The following ABCG1 variants were observed in gnomAD, a reference collection of about 807,000 sequenced individuals.
ABCG1 encodes the protein ATP binding cassette subfamily G member 1.
Under a neutral mutation model 69.2 loss-of-function variants are expected in ABCG1, and 29 were observed. The ratio of observed to expected loss-of-function variants is 0.42; its 90% CI spans 0.31 to 0.57. The LOEUF is 0.57. ABCG1 is among the 20% of genes least tolerant of loss of function. The pLI is 0.15. For synonymous variants in ABCG1, 370 were observed against 374.8 expected (o/e 0.99, Z 0.15); for missense variants, 718 against 898.1 (o/e 0.80, Z 2.56).
chr21:42,293,679 TACACACTACACACC>T (rs2069141188), intron 13 of ABCG1, among the ~76,000 whole-genome samples: 1 of 97,908 alleles, frequency 1.0e-5, no homozygotes, highest in Non-Finnish European at 2.1e-5. Context: ...CGCACCACAC[TACACACTACACACC>T]ACACACTACA....
At position 42,296,701 on chromosome 21, in the gene ABCG1, G is replaced by A. The variant is rs573371891; in HGVS notation, c.*309G>A. The stretch of plus-strand genomic sequence containing the variant: ...TTAAAGCTGCAACACAGCTGGTGAT[G>A]AGAGGCTTCCTCAGTCCAGTCGCTC... On this transcript the variant is annotated 3_prime_UTR_variant, in exon 15 of 15. Coordinates refer to ENST00000398449, the MANE Select transcript of ABCG1 (RefSeq NM_016818.3). The surrounding 1 kb of genome is among the most constrained non-coding windows in gnomAD (Gnocchi z 5.4). The A allele has an allele frequency of 1.5e-5, 6 of 390,662 alleles. No homozygotes were observed. The South Asian group carries it at 1.5e-4, about 10-fold the overall frequency. 24.2% of individuals were successfully genotyped at this position (390,662 alleles called of 1,614,324 possible). A position where few individuals can be genotyped will look rare whatever the true frequency, so the allele number is the denominator to read the frequency against.
intron 2 of ABCG1, among the ~76,000 whole-genome samples, chr21:42,253,988 C>T (rs935342759): frequency 2.6e-4 from 39 of 152,310 alleles, no homozygotes; most frequent in Admixed American, 1.2e-3. Context: ...CTGATCTAAG[C>T]AGGCAGGAAG....
chr21:42,254,826 TG>T (rs1481411350), intron 2 of ABCG1, among the ~76,000 whole-genome samples: 6 of 152,200 alleles, frequency 3.9e-5, no homozygotes, highest in African/African-American at 1.2e-4. Flanking sequence ...CTTTCAGCTC[TG>T]GGCTGAGATG....
chr21:42,291,384 C>T lies in ABCG1; in HGVS notation c.1495-114C>T. 3 of 1,449,584 alleles carry T rather than the reference C, an allele frequency of 2.1e-6. No homozygotes were observed. Among genetic ancestry groups the T allele is most frequent in the East Asian group, 2.3e-5 (1 of 43,410 alleles). 89.8% of individuals were successfully genotyped at this position (1,449,584 alleles called of 1,614,324 possible). A position where few individuals can be genotyped will look rare whatever the true frequency, so the allele number is the denominator to read the frequency against. On this transcript the variant is annotated intron_variant, in intron 12 of 14. Transcript: ENST00000398449. The surrounding 1 kb of genome is among the most constrained non-coding windows in gnomAD (Gnocchi z 6.4). The stretch of plus-strand genomic sequence containing the variant: ...CTGTGGGGAGTGGGGAAGGACCCGA[C>T]TTTGGGAGCTCTGGCGGGAGCTGCG...
chr21:42,213,985 A>G (rs1228477582), upstream of ABCG1, among the ~76,000 whole-genome samples: 1 of 152,076 alleles, frequency 6.6e-6, no homozygotes, highest in African/African-American at 2.4e-5. Context: ...TAGACTTTTT[A>G]TTTGGTGCCG....
intron 5 of ABCG1, among the ~76,000 whole-genome samples, chr21:42,278,186 C>A (rs1458181612): frequency 1.3e-5 from 2 of 152,114 alleles, no homozygotes; most frequent in Non-Finnish European, 2.9e-5. Flanking sequence ...TGTTCCTGGC[C>A]CTTCATGGGG....
intron 8 of ABCG1, 72 bp downstream of exon 8, chr21:42,286,066 G>A: frequency 1.9e-6 from 2 of 1,033,824 alleles, no homozygotes; most frequent in Non-Finnish European, 3.0e-6. Context: ...ACTTTTAGCT[G>A]ACGCCCCCAA....
rs777006491 is a variant in ABCG1 at position 42,296,441 on chromosome 21, C to T, written c.*49C>T. The stretch of plus-strand genomic sequence containing the variant: ...GAAGATTAGACACTGTGGCCGAGGG[C>T]ACGTCTAGAATCGAGGAGGCAAGCC... On this transcript the variant is annotated 3_prime_UTR_variant, in exon 15 of 15. Coordinates refer to ENST00000398449, the MANE Select transcript of ABCG1 (RefSeq NM_016818.3). The surrounding 1 kb of genome is among the most constrained non-coding windows in gnomAD (Gnocchi z 5.4). 1 of 1,542,114 alleles carries T rather than the reference C, an allele frequency of 6.5e-7. No individual in the cohort carries two copies. Among genetic ancestry groups the T allele is most frequent in the Admixed American group, 1.7e-5 (1 of 58,662 alleles).
Position 42,288,048 on chromosome 21 carries a change from C to A in ABCG1, c.1122+11C>A. The A allele has an allele frequency of 6.2e-7, 1 of 1,606,536 alleles. No individual in the cohort carries two copies. Among genetic ancestry groups the A allele is most frequent in the South Asian group, 1.1e-5 (1 of 90,522 alleles). On this transcript the variant is annotated intron_variant, in intron 9 of 14. Transcript: ENST00000398449. The surrounding 1 kb of genome is among the most constrained non-coding windows in gnomAD (Gnocchi z 4.8). ...CGGCCCTCTGAAGAGGTAAAGCAGA[C>A]AAAACGATTAAAGGGGTTGAGAAAG...
chr21:42,204,163 G>C (rs1346454091), intron 2 of ABCG1, among the ~76,000 whole-genome samples: 1 of 152,108 alleles, frequency 6.6e-6, no homozygotes, highest in Non-Finnish European at 1.5e-5. Context: ...GGATTTCCTA[G>C]GTAGACAATC....
intron 2 of ABCG1, among the ~76,000 whole-genome samples, chr21:42,263,032 G>A (rs1178609423): frequency 6.6e-6 from 1 of 152,198 alleles, no homozygotes; most frequent in Admixed American, 6.5e-5. Context: ...CGATGCTGCC[G>A]TGTCCCCCGA....
chr21:42,273,270 G>C lies in ABCG1; in HGVS notation c.405-33G>C, dbSNP rs745396892. ...GGAGGTGGAGGAGGAGCAGGAGCCC[G>C]GCTGACGGCTTCTCCTGTCCTTGGT... On this transcript the variant is annotated intron_variant, in intron 3 of 14. Transcript: ENST00000398449. This position sits in a 1 kb window ranked among gnomAD's most constrained non-coding sequence, Gnocchi z 5.3. 1 of 1,593,908 alleles carries C rather than the reference G, an allele frequency of 6.3e-7. No homozygotes were observed. Among genetic ancestry groups the C allele is most frequent in the Non-Finnish European group, 8.6e-7 (1 of 1,168,942 alleles).
At chr21:42,231,502 C>A (rs1301216006) in intron 2 of ABCG1, among the ~76,000 whole-genome samples, 1 of 152,372 alleles carries the variant, frequency 6.6e-6, no homozygotes, top group Non-Finnish European at 1.5e-5. Flanking sequence ...TGCATTTGGA[C>A]ACCTTTCTCA....
chr21:42,208,498 A>G (rs565125259), intron 2 of ABCG1, among the ~76,000 whole-genome samples: 1 of 152,216 alleles, frequency 6.6e-6, no homozygotes, highest in Non-Finnish European at 1.5e-5. Flanking sequence ...AGCCTGTCCT[A>G]TGACCTTGAA....
intron 2 of ABCG1, among the ~76,000 whole-genome samples, chr21:42,255,281 C>T (rs2068284315): frequency 6.6e-6 from 1 of 152,062 alleles, no homozygotes. Flanking sequence ...GATGTATGTA[C>T]ATGGTGTGTC....
rs139831542 is a variant in ABCG1, at chr21:42,254,850, G to C, written c.287-16220G>C. Among the ~76,000 whole-genome samples, 76 of 152,336 alleles carry C rather than the reference G, an allele frequency of 5.0e-4. No homozygotes were observed. The East Asian group carries it at 0.012, about 25-fold the overall frequency. On this transcript the variant is annotated intron_variant, in intron 2 of 14. Coordinates refer to ENST00000398449, the MANE Select transcript of ABCG1 (RefSeq NM_016818.3). ...CTGGGCTGAGATGAATGGGGAGCGA[G>C]GGGGAGGGGAGGGAGTGTAGCGCAG...
At chr21:42,286,022 G>A (rs1350485851) in intron 8 of ABCG1, 28 bp downstream of exon 8, 3 of 1,500,816 alleles carry the variant, frequency 2.0e-6, no homozygotes. Context: ...CAGCTCGGGG[G>A]ACAGAAAGGG....
chr21:42,213,781 G>A (rs564663030), upstream of ABCG1, among the ~76,000 whole-genome samples: 5 of 152,306 alleles, frequency 3.3e-5, 1 homozygote, highest in South Asian at 4.1e-4. Context: ...ACCTGTTATC[G>A]CTTTCTTCTT....
At chr21:42,242,575 T>C (rs1271926708) in intron 2 of ABCG1, among the ~76,000 whole-genome samples, 1 of 152,162 alleles carries the variant, frequency 6.6e-6, no homozygotes, top group Non-Finnish European at 1.5e-5. Context: ...AGATGTGTGG[T>C]ACCTGGAACC....
Sources: allele counts gnomAD v4.1 joint callset (sites outside exome capture counted in the v4.1 genomes callset), GRCh38; gene constraint gnomAD v4.1.1; non-coding constraint Gnocchi (gnomAD v3.1); transcripts MANE v1.5; gene names NCBI Gene and HGNC (gene_info 2026-07-23, HGNC 2026-07-21).